Variants in KCNK5 observed in about 807,000 individuals in gnomAD.
The protein encoded by KCNK5 is potassium channel subfamily K member 5.
KCNK5 carries 18 observed loss-of-function variants against 32.9 expected under a neutral mutation model. The ratio of observed to expected loss-of-function variants is 0.55; its 90% CI spans 0.38 to 0.81. The LOEUF is 0.81. Among genes scored for constraint, KCNK5 ranks in the 30% least tolerant of loss-of-function variants. The pLI is 0.00. For synonymous variants in KCNK5, 276 were observed against 275.3 expected, an observed-to-expected ratio of 1.00 and a Z score of -0.03; for missense variants, 507 against 651.0, an observed-to-expected ratio of 0.78 and a Z score of 2.41.
intron 4 of KCNK5, among the ~76,000 whole-genome samples, chr6:39,193,573 G>A (rs1770978853): frequency 6.6e-6 from 1 of 152,246 alleles, no homozygotes; most frequent in South Asian, 2.1e-4. Context: ...CTGGTAACAG[G>A]CCTTCAGACA....
chr6:39,217,144 G>GAAAGA (rs1771455043), intron 1 of KCNK5, among the ~76,000 whole-genome samples: 1 of 83,988 alleles, frequency 1.2e-5, no homozygotes, highest in African/African-American at 3.9e-5. Context: ...AAAAAAAAAA[G>GAAAGA]AAAGAAAAGA....
chr6:39,218,443 C>T (rs930259415), intron 1 of KCNK5, among the ~76,000 whole-genome samples: 4 of 152,212 alleles, frequency 2.6e-5, no homozygotes, highest in Admixed American at 6.5e-5. Flanking sequence ...CTGGGTAGGC[C>T]GTGTTGTTAG....
intron 2 of KCNK5, among the ~76,000 whole-genome samples, chr6:39,195,342 A>T (rs576066872): frequency 6.6e-6 from 1 of 152,302 alleles, no homozygotes; most frequent in East Asian, 1.9e-4. Flanking sequence ...GCCAGCATCA[A>T]CTGTCAAATC....
chr6:39,203,094 T>G (rs1771160532), intron 1 of KCNK5, among the ~76,000 whole-genome samples: 1 of 152,120 alleles, frequency 6.6e-6, no homozygotes, highest in Admixed American at 6.5e-5. Context: ...CCCCCAAAGC[T>G]GAAGCAGATG....
At chr6:39,205,366 G>A (rs2113787081) in intron 1 of KCNK5, among the ~76,000 whole-genome samples, 1 of 152,302 alleles carries the variant, frequency 6.6e-6, no homozygotes, top group Non-Finnish European at 1.5e-5. Context: ...GACCCTCTGA[G>A]GCCATGCTCT....
intron 4 of KCNK5, among the ~76,000 whole-genome samples, chr6:39,192,865 G>A (rs779346548): frequency 6.6e-6 from 1 of 152,120 alleles, no homozygotes; most frequent in Non-Finnish European, 1.5e-5. Context: ...CTTACAGAAG[G>A]GACCTGGAGG....
chr6:39,209,302 C>A (rs1428573961), intron 1 of KCNK5, among the ~76,000 whole-genome samples: 1 of 152,166 alleles, frequency 6.6e-6, no homozygotes, highest in Non-Finnish European at 1.5e-5. Flanking sequence ...TGACCATGCA[C>A]TACCCCTGCC....
chr6:39,203,492 G>C (rs921526392), intron 1 of KCNK5, among the ~76,000 whole-genome samples: 2 of 152,188 alleles, frequency 1.3e-5, no homozygotes, highest in African/African-American at 4.8e-5. Flanking sequence ...GCTGCTGAGG[G>C]AAAGAAATGC....
intron 1 of KCNK5, among the ~76,000 whole-genome samples, chr6:39,201,943 G>A (rs1462725137): frequency 6.6e-6 from 1 of 152,148 alleles, no homozygotes; most frequent in Non-Finnish European, 1.5e-5. Context: ...GGGCCCAGGT[G>A]GCTTCTAACC....
intron 1 of KCNK5, among the ~76,000 whole-genome samples, chr6:39,220,871 G>A (rs933599029): frequency 2.6e-5 from 4 of 152,206 alleles, no homozygotes; most frequent in East Asian, 1.9e-4. Context: ...TGGGCATGAC[G>A]GACATACCGT....
intron 1 of KCNK5, among the ~76,000 whole-genome samples, chr6:39,214,859 C>T (rs148203285): frequency 6.6e-6 from 1 of 152,318 alleles, no homozygotes; most frequent in Non-Finnish European, 1.5e-5. Context: ...TGCCCCAACC[C>T]CACTCAATTC....
intron 1 of KCNK5, among the ~76,000 whole-genome samples, chr6:39,225,101 G>T (rs943219645): frequency 6.6e-6 from 1 of 152,008 alleles, no homozygotes; most frequent in South Asian, 2.1e-4. Flanking sequence ...CTCGTTAAGC[G>T]ACCTCCTGAA....
intron 1 of KCNK5, among the ~76,000 whole-genome samples, chr6:39,225,313 CTA>C (rs1771634105): frequency 6.6e-6 from 1 of 152,336 alleles, no homozygotes; most frequent in African/African-American, 2.4e-5. Flanking sequence ...TGACTCCGCT[CTA>C]TGTGATCCCA....
intron 1 of KCNK5, among the ~76,000 whole-genome samples, chr6:39,221,890 C>T (rs1771558666): frequency 6.6e-6 from 1 of 152,196 alleles, no homozygotes; most frequent in Non-Finnish European, 1.5e-5. Flanking sequence ...TGTATTTCCT[C>T]TCATTTCACC....
rs140417274 is a variant in KCNK5 at position 39,199,812 on chromosome 6, G to A, written c.187-3825C>T. 7.2e-4 allele frequency among the ~76,000 whole-genome samples: 109 copies of A among 152,310 alleles called. 1 individual carries two copies. In the East Asian group the frequency reaches 0.02, roughly 29 times the overall value. The stretch of plus-strand genomic sequence containing the variant: ...GGAGAGAAGCTGTGCTAGTGCTGCT[G>A]TATGTCAGACACCCCTCGCCGGGGC... On this transcript the variant is annotated intron_variant, in intron 1 of 4. Transcript: ENST00000359534.
chr6:39,224,801 C>A (rs1017101277), intron 1 of KCNK5, among the ~76,000 whole-genome samples: 9 of 152,174 alleles, frequency 5.9e-5, no homozygotes, highest in Non-Finnish European at 1.5e-5. Flanking sequence ...CAGCAAGAAA[C>A]CTGCAGTCTG....
chr6:39,206,583 T>G (rs1771230165), intron 1 of KCNK5, among the ~76,000 whole-genome samples: 1 of 152,180 alleles, frequency 6.6e-6, no homozygotes, highest in South Asian at 2.1e-4. Flanking sequence ...CGTGCTGGCC[T>G]GCTTCCTGTC....
chr6:39,192,283 CAAAA>C (rs1226626372), intron 4 of KCNK5, among the ~76,000 whole-genome samples: 1 of 46,720 alleles, frequency 2.1e-5, no homozygotes, highest in Admixed American at 3.7e-4. Flanking sequence ...GACTCCGTCT[CAAAA>C]AAAAAAAAAA....
At chr6:39,203,252 C>T (rs551716395) in intron 1 of KCNK5, among the ~76,000 whole-genome samples, 8 of 152,240 alleles carry the variant, frequency 5.3e-5, no homozygotes, top group Admixed American at 1.3e-4. Flanking sequence ...AGAAAACTGT[C>T]GATTTTCAGC....
Sources: allele counts gnomAD v4.1 joint callset (sites outside exome capture counted in the v4.1 genomes callset), GRCh38; gene constraint gnomAD v4.1.1; transcripts MANE v1.5; gene names NCBI Gene and HGNC (gene_info 2026-07-23, HGNC 2026-07-21).